The following SPAG9 variants were observed in gnomAD, a reference collection of about 807,000 sequenced individuals.
The protein encoded by SPAG9 is sperm associated antigen 9.
A neutral mutation model predicts 166.5 loss-of-function variants in SPAG9; 35 were observed. The observed-to-expected ratio is 0.21, with a 90% CI of 0.16 to 0.28. SPAG9 has a LOEUF of 0.28. SPAG9 is among the 10% of genes least tolerant of loss of function. The pLI, the probability that SPAG9 is intolerant of heterozygous loss-of-function variation, is 1.00. For missense variants in SPAG9, 1,235 were observed against 1,603.3 expected, an observed-to-expected ratio of 0.77 and a Z score of 3.92; for synonymous variants, 534 against 565.5, an observed-to-expected ratio of 0.94 and a Z score of 0.79.
rs903740881 is a variant in SPAG9, at chr17:51,020,032, A to C, written c.1091+127T>G. The C allele has an allele frequency of 1.8e-5, 11 of 625,412 alleles. No homozygotes were observed. In the Admixed American group the frequency reaches 3.3e-4, roughly 18 times the overall value. 38.7% of individuals were successfully genotyped at this position (625,412 alleles called of 1,614,324 possible). On this transcript the variant is annotated intron_variant, in intron 8 of 29. Transcript: ENST00000262013. The stretch of plus-strand genomic sequence containing the variant: ...GTGTCCAGTTTCAAGAATAGGAATT[A>C]GAATATAATACTAACATTTCTTCAA...
In SPAG9 at chr17:51,120,708, C is replaced by G. The variant is rs921638327; in HGVS notation, c.-52G>C. On this transcript the variant is annotated 5_prime_UTR_variant, in exon 1 of 30. Transcript: ENST00000262013. The surrounding 1 kb of genome is among the most constrained non-coding windows in gnomAD (Gnocchi z 4.7). The stretch of plus-strand genomic sequence containing the variant: ...CGGGGCGTCGCCGGCAGAGGGGCGG[C>G]ACCTGCCCGCACGGGACGGACCCGA... 2 of 1,465,026 alleles carry G rather than the reference C, an allele frequency of 1.4e-6. No individual in the cohort carries two copies. Among genetic ancestry groups the G allele is most frequent in the African/African-American group, 2.8e-5 (2 of 71,488 alleles). 90.8% of individuals were successfully genotyped at this position (1,465,026 alleles called of 1,614,324 possible).
intron 1 of SPAG9, among the ~76,000 whole-genome samples, chr17:51,099,099 CAAAAAA>C (rs35291018): frequency 2.2e-5 from 1 of 45,976 alleles, no homozygotes. Context: ...GACTCCGTCT[CAAAAAA>C]AAAAAAAAAA....
At chr17:51,013,388 A>G (rs2045571069) in intron 9 of SPAG9, among the ~76,000 whole-genome samples, 1 of 152,208 alleles carries the variant, frequency 6.6e-6, no homozygotes, top group Admixed American at 6.5e-5. Flanking sequence ...AGGGGTTGGC[A>G]AACTCTTTCT....
rs1281730948 is a variant in SPAG9 at position 51,037,707 on chromosome 17, T to TA, written c.741+3793_741+3794insT. Among the ~76,000 whole-genome samples the TA allele has an allele frequency of 1.3e-3, 146 of 114,520 alleles. 2 individuals are homozygous for TA. Among genetic ancestry groups the TA allele is most frequent in the African/African-American group, 4.0e-3 (140 of 34,946 alleles). The allele number at this position is 114,520 out of a possible 152,430, so 75.1% of individuals were successfully genotyped here. A position where few individuals can be genotyped will look rare whatever the true frequency, so the allele number is the denominator to read the frequency against. The stretch of plus-strand genomic sequence containing the variant: ...TATAGTGTGTGTGTGTGTGTGTGTG[T>TA]GTGTGTGTGTGTGTATAAACATTTT... On this transcript the variant is annotated intron_variant, in intron 5 of 29. Coordinates refer to ENST00000262013, the MANE Select transcript of SPAG9 (RefSeq NM_001130528.3).
intron 1 of SPAG9, among the ~76,000 whole-genome samples, chr17:51,082,142 C>T (rs2048180700): frequency 6.6e-6 from 1 of 151,680 alleles, no homozygotes; most frequent in Non-Finnish European, 1.5e-5. Flanking sequence ...TTTGGGAGGC[C>T]AAGACAGGTG....
chr17:50,991,903 T>C (rs182114245), intron 19 of SPAG9, among the ~76,000 whole-genome samples: 2 of 147,616 alleles, frequency 1.4e-5, no homozygotes, highest in East Asian at 2.0e-4. Flanking sequence ...GGATTACAGG[T>C]GTAAGCCACC....
chr17:51,018,768 G>A (rs1478118231), intron 8 of SPAG9, among the ~76,000 whole-genome samples: 1 of 152,058 alleles, frequency 6.6e-6, no homozygotes, highest in African/African-American at 2.4e-5. Flanking sequence ...CCGGCTGCTG[G>A]CCCTAAAATA....
rs150393749 is a variant in SPAG9 at position 51,022,028 on chromosome 17, C to A, written c.784-663G>T. The stretch of plus-strand genomic sequence containing the variant: ...ATCCCAGCTACTTGGGAGGCTGAGG[C>A]AGGAGAATTGCTTGAACCTGGGAGG... On this transcript the variant is annotated intron_variant, in intron 6 of 29. Coordinates refer to ENST00000262013, the MANE Select transcript of SPAG9 (RefSeq NM_001130528.3). 8.7e-3 allele frequency among the ~76,000 whole-genome samples: 1,304 copies of A among 149,414 alleles called. 12 individuals are homozygous for A. The highest frequency in any genetic ancestry group is 0.011 in the Non-Finnish European group (775 of 67,784).
intron 5 of SPAG9, chr17:51,031,964 G>A (rs1322645760): frequency 1.6e-6 from 1 of 630,142 alleles, no homozygotes; most frequent in Non-Finnish European, 2.9e-6. Flanking sequence ...TTATCAACAT[G>A]CAGCTCATTG....
intron 15 of SPAG9, 160 bp downstream of exon 15, chr17:50,998,284 T>C (rs8081045): frequency 1 from 539,633 of 542,048 alleles, 268,617 homozygotes; most frequent in East Asian, 1. Flanking sequence ...CCCACCTCGG[T>C]CTCCCAAAGT....
At chr17:50,972,910 G>A (rs991576969) in intron 28 of SPAG9, among the ~76,000 whole-genome samples, 5 of 152,162 alleles carry the variant, frequency 3.3e-5, no homozygotes, top group Non-Finnish European at 5.9e-5. Context: ...CAACAACCAT[G>A]TTGCTAATTC....
intron 25 of SPAG9, among the ~76,000 whole-genome samples, chr17:50,980,188 A>G (rs949939933): frequency 2.0e-5 from 3 of 151,996 alleles, no homozygotes; most frequent in Non-Finnish European, 4.4e-5. Flanking sequence ...TGCTCAACAG[A>G]AAGATTTTTT....
intron 8 of SPAG9, among the ~76,000 whole-genome samples, chr17:51,017,751 T>C (rs1320441717): frequency 2.0e-5 from 3 of 152,178 alleles, no homozygotes; most frequent in Admixed American, 2.0e-4. Flanking sequence ...ATGGGGCATT[T>C]TGCAATGATT....
intron 1 of SPAG9, among the ~76,000 whole-genome samples, chr17:51,109,663 T>G (rs1281513453): frequency 6.6e-6 from 1 of 152,218 alleles, no homozygotes. Context: ...TACTGTGCTC[T>G]TAAAAATTAA....
intron 5 of SPAG9, 67 bp downstream of exon 5, chr17:51,041,434 C>G: frequency 7.0e-7 from 1 of 1,436,512 alleles, no homozygotes; most frequent in Non-Finnish European, 9.5e-7. Context: ...GGTCGTCTAG[C>G]ACTTCAATTA....
rs2047181158 is a variant in SPAG9 at position 51,051,429 on chromosome 17, G to GTTCA, written c.496-3964_496-3961dup. 2.0e-5 allele frequency among the ~76,000 whole-genome samples: 3 copies of GTTCA among 152,080 alleles called. No individual in the cohort carries two copies. In the South Asian group the frequency reaches 6.2e-4, roughly 32 times the overall value. On this transcript the variant is annotated intron_variant, in intron 3 of 29. Coordinates refer to ENST00000262013, the MANE Select transcript of SPAG9 (RefSeq NM_001130528.3). ...GGCCAAGGTGTTAGTGTTATTAAAA[G>GTTCA]TTCAGGGAGACTGGGTGCTGTGGCT... is the stretch of plus-strand genomic sequence containing the variant.
chr17:50,990,930 CAG>C (rs1975493479), intron 19 of SPAG9, among the ~76,000 whole-genome samples: 3 of 135,916 alleles, frequency 2.2e-5, no homozygotes, highest in South Asian at 4.6e-4. Context: ...TTTTTTGAGA[CAG>C]AGTCTTACTC....
chr17:51,037,665 T>TTTTATATA (rs1239466619), intron 5 of SPAG9, among the ~76,000 whole-genome samples: 3 of 92,912 alleles, frequency 3.2e-5, no homozygotes, highest in African/African-American at 1.1e-4. Flanking sequence ...TATATGTGTT[T>TTTTATATA]TATATATATA....
chr17:51,034,707 A>T (rs2046519222), intron 5 of SPAG9, among the ~76,000 whole-genome samples: 1 of 152,228 alleles, frequency 6.6e-6, no homozygotes, highest in East Asian at 1.9e-4. Context: ...AACTATTAGC[A>T]ATATTTTACT....
Sources: allele counts gnomAD v4.1 joint callset (sites outside exome capture counted in the v4.1 genomes callset), GRCh38; gene constraint gnomAD v4.1.1; non-coding constraint Gnocchi (gnomAD v3.1); transcripts MANE v1.5; gene names NCBI Gene and HGNC (gene_info 2026-07-23, HGNC 2026-07-21).